Variants in STK38L observed in about 807,000 individuals in gnomAD.
STK38L encodes the protein serine/threonine kinase 38 like, also known as serine/threonine-protein kinase 38-like.
STK38L carries 28 observed loss-of-function variants against 59.7 expected under a neutral mutation model. The ratio of observed to expected loss-of-function variants is 0.47; its 90% CI spans 0.35 to 0.64. The LOEUF (loss-of-function observed/expected upper bound fraction) is 0.64. Ranked by LOEUF, STK38L falls within the 30% of genes least tolerant of loss-of-function variation. The pLI is 0.01. For synonymous variants in STK38L, 162 were observed against 176.8 expected (o/e 0.92, Z 0.66); for missense variants, 314 against 555.8 (o/e 0.56, Z 4.37).
At chr12:27,244,695 G>T (rs1390237068) in intron 1 of STK38L, among the ~76,000 whole-genome samples, 2 of 152,126 alleles carry the variant, frequency 1.3e-5, no homozygotes, top group Non-Finnish European at 2.9e-5. Context: ...CAGCGCTCCC[G>T]TCCCGTGCCC....
At chr12:27,321,509 AT>A (rs1418472041) in intron 12 of STK38L, among the ~76,000 whole-genome samples, 1 of 152,222 alleles carries the variant, frequency 6.6e-6, no homozygotes, top group East Asian at 1.9e-4. Flanking sequence ...TCCTAAATCA[AT>A]TAAGAAGGAT....
chr12:27,271,621 GAT>G (rs1298766423), intron 1 of STK38L, among the ~76,000 whole-genome samples: 1 of 152,202 alleles, frequency 6.6e-6, no homozygotes, highest in Non-Finnish European at 1.5e-5. Flanking sequence ...GTGCAGTTGA[GAT>G]AGAGCCATTC....
intron 1 of STK38L, among the ~76,000 whole-genome samples, chr12:27,258,676 A>G (rs1943140380): frequency 6.6e-6 from 1 of 152,274 alleles, no homozygotes; most frequent in African/African-American, 2.4e-5. Flanking sequence ...TGTATTTAGC[A>G]TTTGATTTTT....
chr12:27,319,178 ATTTTC>A (rs1944664116), intron 11 of STK38L, 145 bp from the exon 12 acceptor site: 1 of 556,096 alleles, frequency 1.8e-6, no homozygotes. Flanking sequence ...GATGATTTTT[ATTTTC>A]TTCCACATTT....
At chr12:27,313,217 C>T (rs547664825) in intron 6 of STK38L, among the ~76,000 whole-genome samples, 1 of 147,192 alleles carries the variant, frequency 6.8e-6, no homozygotes, top group Non-Finnish European at 1.5e-5. Context: ...CACTGCAGTC[C>T]GGCCTGGGCG....
chr12:27,244,814 C>G (rs1251738755), intron 1 of STK38L, among the ~76,000 whole-genome samples: 2 of 152,176 alleles, frequency 1.3e-5, no homozygotes, highest in African/African-American at 4.8e-5. Flanking sequence ...AAACATTTCT[C>G]AAGACAGACT....
At chr12:27,286,635 A>G (rs556194409) in intron 1 of STK38L, among the ~76,000 whole-genome samples, 4 of 152,286 alleles carry the variant, frequency 2.6e-5, no homozygotes, top group Non-Finnish European at 5.9e-5. Context: ...TAATGCTTTG[A>G]TTAAAAAAAA....
rs1944823785 is a variant in STK38L, at chr12:27,325,755, G to T, written c.*3300G>T. ...GATTTTTATGAAAAAAATGTGAGGG[G>T]ATATTGCTGCTTTAAAAAGGAATAA... On this transcript the variant is annotated 3_prime_UTR_variant, in exon 14 of 14. Transcript: ENST00000389032. 1 of 152,036 alleles carries T rather than the reference G, an allele frequency of 6.6e-6. No homozygotes were observed. Among genetic ancestry groups the T allele is most frequent in the African/African-American group, 2.4e-5 (1 of 41,384 alleles). The allele number at this position is 152,036 out of a possible 1,614,324, so 9.4% of individuals were successfully genotyped here. A position where few individuals can be genotyped will look rare whatever the true frequency, so the allele number is the denominator to read the frequency against.
chr12:27,247,823 T>A (rs1053656615), intron 1 of STK38L, among the ~76,000 whole-genome samples: 1 of 151,218 alleles, frequency 6.6e-6, no homozygotes, highest in African/African-American at 2.4e-5. Context: ...AATTTTTTTT[T>A]TTTTTTTTTT....
At chr12:27,282,855 G>A (rs1943690320) in intron 1 of STK38L, among the ~76,000 whole-genome samples, 1 of 152,182 alleles carries the variant, frequency 6.6e-6, no homozygotes, top group Admixed American at 6.5e-5. Context: ...CTTAACAGAA[G>A]GTACAGTATG....
chr12:27,303,451 TC>T (rs1165977536), intron 3 of STK38L, among the ~76,000 whole-genome samples: 1 of 152,146 alleles, frequency 6.6e-6, no homozygotes, highest in African/African-American at 2.4e-5. Context: ...ACTGTTCCTG[TC>T]CCCATGGGAG....
intron 1 of STK38L, among the ~76,000 whole-genome samples, chr12:27,263,338 T>C (rs1385283060): frequency 1.4e-4 from 22 of 152,190 alleles, no homozygotes. Flanking sequence ...TATCACTTTA[T>C]GAACAAGCAG....
chr12:27,320,291 G>C (rs1944692605), intron 12 of STK38L, among the ~76,000 whole-genome samples: 1 of 151,960 alleles, frequency 6.6e-6, no homozygotes, highest in African/African-American at 2.4e-5. Flanking sequence ...TTTTGAGACA[G>C]GGTCTCACTC....
At chr12:27,299,658 A>G (rs1350282601) in intron 2 of STK38L, among the ~76,000 whole-genome samples, 2 of 152,198 alleles carry the variant, frequency 1.3e-5, no homozygotes, top group Admixed American at 6.5e-5. Context: ...GGTGTTCTTA[A>G]TGATCTTAGT....
In STK38L at chr12:27,302,155, G is replaced by A; in HGVS notation, c.153G>A (p.Val51=). 2 of 1,605,866 alleles carry A rather than the reference G, an allele frequency of 1.2e-6. No homozygotes were observed. Among genetic ancestry groups the A allele is most frequent in the East Asian group, 2.3e-5 (1 of 44,362 alleles). The change falls in exon 3 of 14, where the codon GTG becomes GTA. Residue 51 remains valine, a synonymous_variant. Transcript: ENST00000389032. ...ERETRQKKLE[V]AMEEEGLADE... is the part of the protein sequence containing the mutation. ...TGAAAAGGCAGAAGAAATTAGAAGT[G>A]GCCATGGAAGAAGAAGGATTAGCAG...
In STK38L at chr12:27,314,638, A is replaced by G. The variant is rs756030339; in HGVS notation, c.652A>G (p.Asn218Asp). The change falls in exon 7 of 14, where the codon AAC becomes GAC. Residue 218 changes from asparagine to aspartate, a missense_variant. By Grantham distance (23) the Asn-to-Asp change is conservative. Coordinates refer to ENST00000389032, the MANE Select transcript of STK38L (RefSeq NM_015000.4). ...CATCCATCGGGATATTAAGCCAGAC[A>G]ACCTTTTATTGGATGCCAAGGCATG... The part of the protein sequence containing the change: ...GFIHRDIKPD[N>D]LLLDAKGHVK... The G allele has an allele frequency of 1.2e-6, 2 of 1,602,098 alleles. No homozygotes were observed. The highest frequency in any genetic ancestry group is 1.7e-6 in the Non-Finnish European group (2 of 1,175,526).
intron 11 of STK38L, among the ~76,000 whole-genome samples, chr12:27,318,365 G>A (rs1400436505): frequency 6.6e-6 from 1 of 152,160 alleles, no homozygotes; most frequent in Non-Finnish European, 1.5e-5. Flanking sequence ...AATCTTCTAA[G>A]CAAAAAATTC....
rs1055025302 is a variant in STK38L, at chr12:27,324,182, T to G, written c.*1727T>G. ...TATTTGTTGAGTACTTACGTGTTTATCTAACAGTTCACTTCCATTTTTCTA... is the reference window on the plus strand; with the variant it reads ...TATTTGTTGAGTACTTACGTGTTTAGCTAACAGTTCACTTCCATTTTTCTA... On this transcript the variant is annotated 3_prime_UTR_variant, in exon 14 of 14. Coordinates refer to ENST00000389032, the MANE Select transcript of STK38L (RefSeq NM_015000.4). The G allele has an allele frequency of 1.2e-4, 19 of 152,126 alleles. No individual in the cohort carries two copies. The highest frequency in any genetic ancestry group is 4.1e-4 in the African/African-American group (17 of 41,450). 9.4% of individuals were successfully genotyped at this position (152,126 alleles called of 1,614,324 possible).
chr12:27,245,773 C>T (rs1469005271), intron 1 of STK38L: 1 of 151,966 alleles, frequency 6.6e-6, no homozygotes, highest in Non-Finnish European at 1.5e-5. Flanking sequence ...AAACTACTTC[C>T]ATCTGAAAAA....
Sources: allele counts gnomAD v4.1 joint callset (sites outside exome capture counted in the v4.1 genomes callset), GRCh38; gene constraint gnomAD v4.1.1; transcripts MANE v1.5; gene names NCBI Gene and HGNC (gene_info 2026-07-23, HGNC 2026-07-21).